AKAP9: variants seen among roughly 807,000 people sequenced by gnomAD.
AKAP9 encodes A-kinase anchoring protein 9, also known as A-kinase anchor protein 9.
In AKAP9, 311 loss-of-function variants were observed where a neutral mutation model predicts 488.5. That is an observed-to-expected ratio of 0.64 (90% confidence interval 0.58 to 0.70). The LOEUF (loss-of-function observed/expected upper bound fraction) is 0.70. Among genes scored for constraint, AKAP9 ranks in the 30% least tolerant of loss-of-function variants. The pLI, the probability that AKAP9 is intolerant of heterozygous loss-of-function variation, is 0.00. For synonymous variants in AKAP9, 1,462 were observed against 1,483.5 expected (o/e 0.99, Z 0.33); for missense variants, 4,215 against 4,374.5 (o/e 0.96, Z 1.03).
Position 92,069,047 on chromosome 7 carries a change from A to C in AKAP9, c.6331-983A>C, listed in dbSNP as rs570978204. Among the ~76,000 whole-genome samples, 261 of 152,270 alleles carry C rather than the reference A, an allele frequency of 1.7e-3. 1 individual carries two copies. The highest frequency in any genetic ancestry group is 2.9e-3 in the Non-Finnish European group (196 of 68,022). On this transcript the variant is annotated intron_variant, in intron 26 of 49. Coordinates refer to ENST00000356239, the MANE Select transcript of AKAP9 (RefSeq NM_005751.5). ...GGAATAGGTCTTGGCATGCATCATT[A>C]TTTTGGTTAAAGGAGAAACCAAGAC...
rs761286670 is a variant in AKAP9 at position 92,077,678 on chromosome 7, A to C, written c.6766-18A>C. 6 of 1,608,168 alleles carry C rather than the reference A, an allele frequency of 3.7e-6. No homozygotes were observed. The African/African-American group carries it at 8.0e-5, about 22-fold the overall frequency. On this transcript the variant is annotated intron_variant, in intron 29 of 49. Coordinates refer to ENST00000356239, the MANE Select transcript of AKAP9 (RefSeq NM_005751.5). ...AGGTAATGATATATCCAACTGTGAT[A>C]ATTATTTTTGTTCCTAGGATGACAT...
At chr7:92,063,000 A>G (rs1248825815) in intron 24 of AKAP9, among the ~76,000 whole-genome samples, 1 of 152,096 alleles carries the variant, frequency 6.6e-6, no homozygotes, top group Non-Finnish European at 1.5e-5. Context: ...GTAACCTTTC[A>G]TTTTTCCTTA....
intron 16 of AKAP9, among the ~76,000 whole-genome samples, chr7:92,035,053 A>G (rs192621088): frequency 4.9e-4 from 75 of 152,248 alleles, no homozygotes; most frequent in Middle Eastern, 3.4e-3. Context: ...TTCTTTTCTA[A>G]TGTATGCATT....
At position 91,940,968 on chromosome 7, in the gene AKAP9, G is replaced by A. The variant is rs563258073; in HGVS notation, c.-132G>A. 3 of 943,446 alleles carry A rather than the reference G, an allele frequency of 3.2e-6. No individual in the cohort carries two copies. Among genetic ancestry groups the A allele is most frequent in the African/African-American group, 3.2e-5 (2 of 61,682 alleles). 58.4% of individuals were successfully genotyped at this position (943,446 alleles called of 1,614,324 possible). A position where few individuals can be genotyped will look rare whatever the true frequency, so the allele number is the denominator to read the frequency against. On this transcript the variant is annotated 5_prime_UTR_variant, in exon 1 of 50. Transcript: ENST00000356239. Reference sequence around the variant, plus strand: ...CGCGGAGACTGCTTCCACTTCGGGCGGGGGAGCGCCGGACCGAATCGGCTC... The same window carrying A: ...CGCGGAGACTGCTTCCACTTCGGGCAGGGGAGCGCCGGACCGAATCGGCTC...
chr7:92,063,926 G>A (rs780705248), intron 24 of AKAP9, among the ~76,000 whole-genome samples: 6 of 151,870 alleles, frequency 4.0e-5, no homozygotes, highest in East Asian at 1.9e-4. Flanking sequence ...GACTACAGGC[G>A]GGAGCCACCA....
chr7:92,086,745 A>G (rs966241143), intron 37 of AKAP9, among the ~76,000 whole-genome samples: 1 of 152,184 alleles, frequency 6.6e-6, no homozygotes, highest in Non-Finnish European at 1.5e-5. Flanking sequence ...TAAGGGAAAT[A>G]CAAGGTTAGG....
At chr7:92,044,364 T>G (rs554232600) in intron 20 of AKAP9, among the ~76,000 whole-genome samples, 79 of 152,304 alleles carry the variant, frequency 5.2e-4, no homozygotes, top group African/African-American at 1.7e-3. Context: ...CTGGAGCAGA[T>G]GTAATAAAAA....
intron 8 of AKAP9, among the ~76,000 whole-genome samples, chr7:92,007,622 A>C (rs1800090173): frequency 6.6e-6 from 1 of 152,214 alleles, no homozygotes; most frequent in Admixed American, 6.5e-5. Context: ...ATATCGTAAA[A>C]ACCCAGGTTA....
chr7:92,039,754 C>T (rs1805758683), intron 17 of AKAP9, among the ~76,000 whole-genome samples: 1 of 152,144 alleles, frequency 6.6e-6, no homozygotes, highest in African/African-American at 2.4e-5. Flanking sequence ...GCAGGTGGAT[C>T]ACTTGAGGTC....
At chr7:92,022,194 A>T in intron 12 of AKAP9, 44 bp from the exon 13 acceptor site, 1 of 1,422,132 alleles carries the variant, frequency 7.0e-7, no homozygotes, top group Non-Finnish European at 9.9e-7. Context: ...TAATTGCTGG[A>T]TTATGTATTT....
chr7:91,992,804 G>A (rs753985492), intron 4 of AKAP9, 81 bp from the exon 5 acceptor site: 14 of 1,345,242 alleles, frequency 1.0e-5, no homozygotes, highest in Non-Finnish European at 1.5e-5. Flanking sequence ...AGTGGACCTT[G>A]CTATGGATTT....
At chr7:92,059,759 A>G (rs1053225277) in intron 22 of AKAP9, among the ~76,000 whole-genome samples, 1 of 151,816 alleles carries the variant, frequency 6.6e-6, no homozygotes, top group African/African-American at 2.4e-5. Context: ...TTGTGACTGT[A>G]AATTCCCATG....
intron 21 of AKAP9, among the ~76,000 whole-genome samples, chr7:92,047,518 C>T (rs1807212819): frequency 6.6e-6 from 1 of 152,182 alleles, no homozygotes; most frequent in Non-Finnish European, 1.5e-5. Context: ...TGCGACTGAC[C>T]ATAGTTTTCA....
At chr7:92,107,454 T>G in intron 48 of AKAP9, 32 bp downstream of exon 48, 1 of 1,600,664 alleles carries the variant, frequency 6.2e-7, no homozygotes, top group South Asian at 1.1e-5. Flanking sequence ...CCTGGAATTG[T>G]TAAATGTATT....
At chr7:91,988,851 G>A (rs1797430868) in intron 3 of AKAP9, among the ~76,000 whole-genome samples, 1 of 151,936 alleles carries the variant, frequency 6.6e-6, no homozygotes. Context: ...ACAACATTCA[G>A]GTTTGTTACA....
rs373792642 is a variant in AKAP9 at position 92,042,693 on chromosome 7, T to G, written c.5084T>G (p.Val1695Gly). Residue 1695 changes from valine (V) to glycine (G), a missense_variant, in exon 20 of 50, where the codon GTT becomes GGT. Around this residue, in one of 5 missense-constraint regions of AKAP9, gnomAD observed 2,361 missense variants for 2,430.0 expected, o/e 0.97. Coordinates refer to ENST00000356239, the MANE Select transcript of AKAP9 (RefSeq NM_005751.5). ...TQNGNENQGEVEEQTFKEKEL... is the reference protein window; with the variant it reads ...TQNGNENQGEGEEQTFKEKEL... ...AATGGAAATGAAAACCAAGGAGAAG[T>G]TGAAGAACAAACATTTAAAGAAAAG... 6.2e-7 allele frequency: 1 copy of G among 1,611,260 alleles called. No individual in the cohort carries two copies. The highest frequency in any genetic ancestry group is 1.3e-5 in the African/African-American group (1 of 74,850).
chr7:91,960,279 C>T (rs1257105607), intron 1 of AKAP9, among the ~76,000 whole-genome samples: 1 of 152,084 alleles, frequency 6.6e-6, no homozygotes, highest in African/African-American at 2.4e-5. Flanking sequence ...ATTTTCTCTC[C>T]AGTCTTGTCA....
At chr7:92,074,916 C>T (rs948208874) in intron 28 of AKAP9, among the ~76,000 whole-genome samples, 3 of 152,058 alleles carry the variant, frequency 2.0e-5, no homozygotes, top group South Asian at 2.1e-4. Flanking sequence ...ATGTAGATGA[C>T]GGATTGATGG....
chr7:92,085,668 A>G lies in AKAP9; in HGVS notation c.9006A>G (p.Gln3002=). ...TAAAGGATTTAATTACAAAGATGCA[A>G]CTGCAAAGAGAAGCCGAGGTAACCA... ...SSLKDLITKM[Q]LQREAEVYDS... Residue 3002 remains glutamine (Q), a synonymous_variant, in exon 36 of 50, where the codon CAA becomes CAG. Coordinates refer to ENST00000356239, the MANE Select transcript of AKAP9 (RefSeq NM_005751.5). 1 of 1,613,102 alleles carries G rather than the reference A, an allele frequency of 6.2e-7. No homozygotes were observed. The highest frequency in any genetic ancestry group is 8.5e-7 in the Non-Finnish European group (1 of 1,179,674).
Sources: allele counts gnomAD v4.1 joint callset (sites outside exome capture counted in the v4.1 genomes callset), GRCh38; gene constraint gnomAD v4.1.1; regional missense constraint gnomAD v4.1.1; transcripts MANE v1.5; gene names NCBI Gene and HGNC (gene_info 2026-07-23, HGNC 2026-07-21).